EDA2R: variants seen among roughly 807,000 people sequenced by gnomAD.
The protein encoded by EDA2R is ectodysplasin A2 receptor, also known as tumor necrosis factor receptor superfamily member 27.
Under a neutral mutation model 20.1 loss-of-function variants are expected in EDA2R, and 26 were observed. The observed-to-expected ratio is 1.30, with a 90% confidence interval of 0.95 to 1.80. EDA2R has a LOEUF of 1.80. EDA2R is among the 40% of genes most tolerant of loss of function. The pLI is 0.00. For synonymous variants in EDA2R, 114 were observed against 88.7 expected, an observed-to-expected ratio of 1.29 and a Z score of -1.60; for missense variants, 277 against 228.7, an observed-to-expected ratio of 1.21 and a Z score of -1.36.
intron 1 of EDA2R, among the ~76,000 whole-genome samples, chrX:66,619,804 G>A (rs1478728906): frequency 1.8e-5 from 2 of 111,755 alleles, no homozygotes; most frequent in African/African-American, 6.5e-5. Flanking sequence ...ATGTGGAAGT[G>A]CTCTAAAAAT....
At chrX:66,618,809 G>A (rs1932139253) in intron 1 of EDA2R, among the ~76,000 whole-genome samples, 1 of 112,245 alleles carries the variant, frequency 8.9e-6, no homozygotes, top group African/African-American at 3.2e-5. Context: ...ATCAAAAAAA[G>A]AGCAAAGCTC....
chrX:66,612,421 G>T (rs1290198053), intron 2 of EDA2R, among the ~76,000 whole-genome samples: 1 of 111,476 alleles, frequency 9.0e-6, no homozygotes, highest in Non-Finnish European at 1.9e-5. Context: ...AATCTAAATG[G>T]AACAGATATT....
rs774771700 is a variant in EDA2R at position 66,603,076 on chromosome X, C to T, written c.353-279G>A. Among the ~76,000 whole-genome samples, 33 of 111,741 alleles carry T rather than the reference C, an allele frequency of 3.0e-4. No homozygotes were observed. The East Asian group carries it at 6.2e-3, about 21-fold the overall frequency. ...CCACATCTAATTATATAATCCAGAT[C>T]AATGGAAACAAGCTAAAAAATTCAT... is the stretch of plus-strand genomic sequence containing the variant. On this transcript the variant is annotated intron_variant, in intron 4 of 6. Coordinates refer to ENST00000374719, the MANE Select transcript of EDA2R (RefSeq NM_021783.5).
chrX:66,630,822 TACAC>T (rs768792873), intron 1 of EDA2R, among the ~76,000 whole-genome samples: 1,069 of 93,685 alleles, frequency 0.011, 20 homozygotes, highest in African/African-American at 0.039. Flanking sequence ...TATATATATA[TACAC>T]ACACACACAC....
intron 5 of EDA2R, 76 bp downstream of exon 5, chrX:66,602,557 C>T (rs990378479): frequency 9.4e-6 from 10 of 1,065,306 alleles, no homozygotes; most frequent in Non-Finnish European, 1.2e-5. Context: ...TGTCTCTCAA[C>T]CCCAGAACAT....
rs768305887 is a variant in EDA2R, at chrX:66,597,651, ATG to A, written c.*451_*452del. The A allele has an allele frequency of 8.2e-3, 951 of 116,456 alleles. No homozygotes were observed. Among genetic ancestry groups the A allele is most frequent in the South Asian group, 0.017 (50 of 2,981 alleles). 9.6% of individuals were successfully genotyped at this position (116,456 alleles called of 1,213,427 possible). ...TGTGTGTCTATGTATATGTGTGTGT[ATG>A]TGTGTGTGTGTGTGTTGAGGAGGGA... is the stretch of plus-strand genomic sequence containing the variant. On this transcript the variant is annotated 3_prime_UTR_variant, in exon 7 of 7. Coordinates refer to ENST00000374719, the MANE Select transcript of EDA2R (RefSeq NM_021783.5).
At chrX:66,630,149 C>T (rs1048445523) in intron 1 of EDA2R, among the ~76,000 whole-genome samples, 4 of 111,148 alleles carry the variant, frequency 3.6e-5, no homozygotes, top group African/African-American at 1.3e-4. Flanking sequence ...TGTAGGAGAA[C>T]GAAACTGGAA....
At chrX:66,621,995 A>T (rs1932704691) in intron 1 of EDA2R, among the ~76,000 whole-genome samples, 1 of 111,838 alleles carries the variant, frequency 8.9e-6, no homozygotes, top group Non-Finnish European at 1.9e-5. Context: ...CCCCCCAAAA[A>T]ATGTTAAAGC....
At chrX:66,605,660 G>A (rs1465890047) in intron 2 of EDA2R, among the ~76,000 whole-genome samples, 1 of 111,726 alleles carries the variant, frequency 9.0e-6, no homozygotes, top group Non-Finnish European at 1.9e-5. Flanking sequence ...ATTGTGAACT[G>A]CGTACAAGCT....
chrX:66,604,976 G>T, intron 3 of EDA2R, 72 bp downstream of exon 3: 1 of 906,114 alleles, frequency 1.1e-6, no homozygotes, highest in Non-Finnish European at 1.5e-6. Context: ...TAAGTTCTGA[G>T]AGGTGAGGAT....
rs1927772480 is a variant in EDA2R at position 66,598,038 on chromosome X, A to G, written c.*66T>C. The G allele has an allele frequency of 2.1e-6, 2 of 968,981 alleles. No homozygotes were observed. The highest frequency in any genetic ancestry group is 1.3e-6 in the Non-Finnish European group (1 of 754,499). The allele number at this position is 968,981 out of a possible 1,213,427, so 79.9% of individuals were successfully genotyped here. ...TTCAGGCCCCTGCTGCTGTTGTGGT[A>G]TAGGAACAGAGTCCAGAGAGAACAA... On this transcript the variant is annotated 3_prime_UTR_variant, in exon 7 of 7. Coordinates refer to ENST00000374719, the MANE Select transcript of EDA2R (RefSeq NM_021783.5).
At chrX:66,620,899 G>A (rs1363694744) in intron 1 of EDA2R, among the ~76,000 whole-genome samples, 3 of 104,170 alleles carry the variant, frequency 2.9e-5, no homozygotes, top group Non-Finnish European at 5.9e-5. Context: ...AAAGATGGTC[G>A]GTGTTATCAG....
Position 66,626,713 on chromosome X carries a change from T to G in EDA2R, c.-10-10683A>C, listed in dbSNP as rs189631951. ...AAAAAATCATTGCCTAGGCACATTG[T>G]CTTCAGGTTATCTAAAGTTAACACA... On this transcript the variant is annotated intron_variant, in intron 1 of 6. Transcript: ENST00000374719. Among the ~76,000 whole-genome samples the G allele has an allele frequency of 6.4e-3, 689 of 107,299 alleles. 4 individuals carry two copies. Among genetic ancestry groups the G allele is most frequent in the African/African-American group, 0.023 (668 of 29,325 alleles). 93.2% of individuals were successfully genotyped at this position (107,299 alleles called of 115,157 possible).
intron 1 of EDA2R, among the ~76,000 whole-genome samples, chrX:66,638,542 A>G (rs995409037): frequency 1.6e-4 from 18 of 110,749 alleles, no homozygotes; most frequent in Non-Finnish European, 3.2e-4. Flanking sequence ...AAAGCCCCCA[A>G]ACAGAGCCAG....
rs1194128016 is a variant in EDA2R at position 66,621,002 on chromosome X, C to G, written c.-10-4972G>C. Among the ~76,000 whole-genome samples, 5 of 105,047 alleles carry G rather than the reference C, an allele frequency of 4.8e-5. No homozygotes were observed. The East Asian group carries it at 1.5e-3, about 31-fold the overall frequency. 91.2% of individuals were successfully genotyped at this position (105,047 alleles called of 115,157 possible). A position where few individuals can be genotyped will look rare whatever the true frequency, so the allele number is the denominator to read the frequency against. On this transcript the variant is annotated intron_variant, in intron 1 of 6. Coordinates refer to ENST00000374719, the MANE Select transcript of EDA2R (RefSeq NM_021783.5). Reference sequence around the variant, plus strand: ...AAAAAAAAAAAAATAGCCGGCCAGGCACGGTGGCTCACGCCTGTAATCCCA... The same window carrying G: ...AAAAAAAAAAAAATAGCCGGCCAGGGACGGTGGCTCACGCCTGTAATCCCA...
chrX:66,630,834 C>CACAG (rs1372776620), intron 1 of EDA2R, among the ~76,000 whole-genome samples: 3 of 107,925 alleles, frequency 2.8e-5, no homozygotes, highest in Non-Finnish European at 5.8e-5. Flanking sequence ...CACACACACA[C>CACAG]ACACACACAC....
At chrX:66,607,173 A>G in intron 2 of EDA2R, among the ~76,000 whole-genome samples, 1 of 112,175 alleles carries the variant, frequency 8.9e-6, no homozygotes, top group East Asian at 2.8e-4. Flanking sequence ...CCCTAAGCTA[A>G]GTGCACATCT....
intron 1 of EDA2R, among the ~76,000 whole-genome samples, chrX:66,619,990 G>C (rs943557236): frequency 1.8e-5 from 2 of 110,951 alleles, no homozygotes; most frequent in Non-Finnish European, 3.8e-5. Flanking sequence ...GCTCCCTCAC[G>C]CCCCTTCCCA....
chrX:66,613,707 T>C (rs1359398122), intron 2 of EDA2R, among the ~76,000 whole-genome samples: 1 of 111,778 alleles, frequency 8.9e-6, no homozygotes, highest in Non-Finnish European at 1.9e-5. Context: ...TCAGAAGTGT[T>C]ATCTGCTGAT....
Sources: gnomAD v4.1 joint callset for allele counts (sites outside exome capture counted in the v4.1 genomes callset) on GRCh38, gnomAD v4.1.1 for gene constraint, MANE v1.5 for transcripts, NCBI Gene and HGNC (gene_info 2026-07-23, HGNC 2026-07-21) for gene names.